The following CEP164 variants were observed in gnomAD, a reference collection of about 807,000 sequenced individuals.
CEP164 encodes centrosomal protein of 164 kDa.
A neutral mutation model predicts 182.7 loss-of-function variants in CEP164; 162 were observed. The ratio of observed to expected loss-of-function variants is 0.89; its 90% confidence interval spans 0.78 to 1.01. CEP164 has a LOEUF of 1.01. CEP164 is among the 50% of genes least tolerant of loss of function. The pLI, the probability that CEP164 is intolerant of heterozygous loss-of-function variation, is 0.00. For missense variants in CEP164, 1,735 were observed against 1,790.4 expected (o/e 0.97, Z 0.56); for synonymous variants, 661 against 690.0 (o/e 0.96, Z 0.66).
chr11:117,412,299 C>T lies in CEP164; in HGVS notation c.*131C>T, dbSNP rs2047443483. On this transcript the variant is annotated 3_prime_UTR_variant, in exon 33 of 33. Coordinates refer to ENST00000278935, the MANE Select transcript of CEP164 (RefSeq NM_014956.5). ...TTTGACTTGCAGGAGCCACCAGGGA[C>T]CAGGGGGTTGAGTGGAACAGTAAAG... is the stretch of plus-strand genomic sequence containing the variant. 1.4e-6 allele frequency: 1 copy of T among 727,966 alleles called. No homozygotes were observed. Among genetic ancestry groups the T allele is most frequent in the Non-Finnish European group, 2.2e-6 (1 of 448,478 alleles). The allele number at this position is 727,966 out of a possible 1,614,324, so 45.1% of individuals were successfully genotyped here. A position where few individuals can be genotyped will look rare whatever the true frequency, so the allele number is the denominator to read the frequency against.
intron 12 of CEP164, among the ~76,000 whole-genome samples, chr11:117,381,110 C>T (rs2043268818): frequency 2.0e-5 from 3 of 152,112 alleles, no homozygotes; most frequent in African/African-American, 7.2e-5. Context: ...GGTACTGCAG[C>T]TCAAGAGTTC....
intron 16 of CEP164, 30 bp from the exon 17 acceptor site, chr11:117,390,969 G>T (rs1179318173): frequency 1.9e-6 from 3 of 1,613,906 alleles, no homozygotes; most frequent in Non-Finnish European, 2.5e-6. Context: ...GGGTGCACAG[G>T]CCCGTTACCA....
At position 117,381,693 on chromosome 11, in the gene CEP164, C is replaced by A; in HGVS notation, c.1410-8C>A. 1.9e-6 allele frequency: 3 copies of A among 1,605,898 alleles called. No individual in the cohort carries two copies. The highest frequency in any genetic ancestry group is 2.6e-6 in the Non-Finnish European group (3 of 1,176,424). On this transcript the variant is annotated splice_region_variant and splice_polypyrimidine_tract_variant and intron_variant, in intron 12 of 32. Coordinates refer to ENST00000278935, the MANE Select transcript of CEP164 (RefSeq NM_014956.5). Reference sequence around the variant, plus strand: ...GCCTGACTCTGCTGCTCTGCCCGGCCTGACCAGGTTATCTCCTCCACTTCC... The same window carrying A: ...GCCTGACTCTGCTGCTCTGCCCGGCATGACCAGGTTATCTCCTCCACTTCC...
Position 117,393,004 on chromosome 11 carries a change from C to A in CEP164, c.2494C>A (p.Leu832Ile), listed in dbSNP as rs766687766. 3 of 1,613,104 alleles carry A rather than the reference C, an allele frequency of 1.9e-6. No individual in the cohort carries two copies. The Admixed American group carries it at 5.0e-5, about 27-fold the overall frequency. ...CACATCCCTGCCATCTCCCCTGCAG[C>A]TCAGCAGTCTCCTGCGAGAGAAGCG... is the stretch of plus-strand genomic sequence containing the variant. The part of the protein sequence containing the change: ...SYHVAGYEHE[L>I]SSLLREKRQE... Residue 832 changes from leucine to isoleucine, a missense_variant and splice_region_variant, in exon 20 of 33, where the codon CTC becomes ATC. By Grantham distance (5) the Leu-to-Ile change is conservative. Coordinates refer to ENST00000278935, the MANE Select transcript of CEP164 (RefSeq NM_014956.5).
At chr11:117,390,706 G>A (rs1306612199) in intron 15 of CEP164, 71 bp from the exon 16 acceptor site, 5 of 1,589,978 alleles carry the variant, frequency 3.1e-6, no homozygotes, top group Middle Eastern at 1.8e-4. Flanking sequence ...GAGGCTGAGA[G>A]CCATAGCTTA....
At position 117,368,495 on chromosome 11, in the gene CEP164, C is replaced by T. The variant is rs184596809; in HGVS notation, c.766-2585C>T. 2.6e-5 allele frequency among the ~76,000 whole-genome samples: 4 copies of T among 152,274 alleles called. No homozygotes were observed. In the East Asian group the frequency reaches 5.8e-4, roughly 22 times the overall value. On this transcript the variant is annotated intron_variant, in intron 8 of 32. Transcript: ENST00000278935. Reference sequence around the variant, plus strand: ...TATGGTCTGATACCTCCTTTGCCCTCGCATCTAAGGTGTATTGGTAGGCAG... The same window carrying T: ...TATGGTCTGATACCTCCTTTGCCCTTGCATCTAAGGTGTATTGGTAGGCAG...
Position 117,344,262 on chromosome 11 carries a change from G to C in CEP164, c.179G>C (p.Gly60Ala). 6.2e-7 allele frequency: 1 copy of C among 1,612,640 alleles called. No homozygotes were observed. The highest frequency in any genetic ancestry group is 8.5e-7 in the Non-Finnish European group (1 of 1,179,338). Residue 60 changes from glycine (G) to alanine (A), a missense_variant, in exon 4 of 33, where the codon GGA becomes GCA. Transcript: ENST00000278935. ...GAGGGCATCGTGGCCCCACTGCCTG[G>C]AGAGTGGAAACCATGGTAAGTCAGC... The part of the protein sequence containing the change: ...AREGIVAPLP[G>A]EWKPCQDITG...
At position 117,351,848 on chromosome 11, in the gene CEP164, G is replaced by T; in HGVS notation, c.253G>T (p.Asp85Tyr). Residue 85 changes from aspartate (D) to tyrosine (Y), a missense_variant, in exon 5 of 33, where the codon GAC (aspartate) becomes TAC (tyrosine). Physicochemically the swap from Asp to Tyr is radical, Grantham distance 160. Transcript: ENST00000278935. The stretch of plus-strand genomic sequence containing the variant: ...CTTCGCCAACGGGCAGTCTATGTGG[G>T]ACCATCCATGTGACGAACACTATCG... ...FNFANGQSMWDHPCDEHYRSL... is the reference protein window; with the variant it reads ...FNFANGQSMWYHPCDEHYRSL... 6.2e-7 allele frequency: 1 copy of T among 1,613,540 alleles called. No individual in the cohort carries two copies.
intron 27 of CEP164, among the ~76,000 whole-genome samples, chr11:117,400,861 G>T (rs2046056547): frequency 6.6e-6 from 1 of 152,192 alleles, no homozygotes; most frequent in South Asian, 2.1e-4. Context: ...TGCTGAAGTT[G>T]CTGATCAGCT....
At position 117,411,703 on chromosome 11, in the gene CEP164, G is replaced by A. The variant is rs1259913330; in HGVS notation, c.4164-92G>A. On this transcript the variant is annotated intron_variant, in intron 31 of 32. Coordinates refer to ENST00000278935, the MANE Select transcript of CEP164 (RefSeq NM_014956.5). This position sits in a 1 kb window ranked among gnomAD's most constrained non-coding sequence, Gnocchi z 4.4. ...CTGCTCTGGTAGCTGAGAGAAAGAGGGAGGAGGTGACAGATGTGATGGCCT... is the reference window on the plus strand; with the variant it reads ...CTGCTCTGGTAGCTGAGAGAAAGAGAGAGGAGGTGACAGATGTGATGGCCT... The A allele has an allele frequency of 4.5e-6, 7 of 1,538,676 alleles. No homozygotes were observed. In the Admixed American group the frequency reaches 1.1e-4, roughly 24 times the overall value.
intron 15 of CEP164, among the ~76,000 whole-genome samples, chr11:117,388,250 C>T (rs1284621570): frequency 1.3e-5 from 2 of 152,208 alleles, no homozygotes; most frequent in African/African-American, 4.8e-5. Flanking sequence ...TCTCCCGAGG[C>T]CCCTGACTCC....
intron 15 of CEP164, among the ~76,000 whole-genome samples, chr11:117,388,398 A>T (rs1426626262): frequency 2.0e-5 from 3 of 152,260 alleles, no homozygotes; most frequent in African/African-American, 4.8e-5. Context: ...ATTCTTGACT[A>T]AGTGATTTCT....
At chr11:117,334,568 C>A (rs2036736278) in intron 1 of CEP164, among the ~76,000 whole-genome samples, 1 of 152,078 alleles carries the variant, frequency 6.6e-6, no homozygotes, top group Non-Finnish European at 1.5e-5. Context: ...GGTGGATCAC[C>A]TGAGATCAGG....
At chr11:117,350,153 C>T (rs1357865603) in intron 4 of CEP164, among the ~76,000 whole-genome samples, 1 of 152,172 alleles carries the variant, frequency 6.6e-6, no homozygotes, top group Non-Finnish European at 1.5e-5. Context: ...AGGTGATCCA[C>T]CTGCCTTGGC....
At chr11:117,337,295 G>T (rs2134993484) in intron 2 of CEP164, among the ~76,000 whole-genome samples, 1 of 152,142 alleles carries the variant, frequency 6.6e-6, no homozygotes, top group Non-Finnish European at 1.5e-5. Context: ...TGCTGCCCTG[G>T]TTCCTGGTCC....
chr11:117,408,004 A>G lies in CEP164; in HGVS notation c.3581A>G (p.Asn1194Ser). 6.3e-7 allele frequency: 1 copy of G among 1,597,206 alleles called. No homozygotes were observed. The highest frequency in any genetic ancestry group is 8.5e-7 in the Non-Finnish European group (1 of 1,171,618). ...CTGAAGAAGAAAGAGGAGAAGCTGA[A>G]TCAGTTGGAGTCCTCTCTTTGGGAA... ...NLLKKKEEKLNQLESSLWEEA... is the reference protein window; with the variant it reads ...NLLKKKEEKLSQLESSLWEEA... The change falls in exon 28 of 33, where the codon AAT (asparagine) becomes AGT (serine). Residue 1194 changes from asparagine (N) to serine (S), a missense_variant. Coordinates refer to ENST00000278935, the MANE Select transcript of CEP164 (RefSeq NM_014956.5).
chr11:117,409,014 G>A lies in CEP164; in HGVS notation c.3734G>A (p.Trp1245Ter). The change falls in exon 29 of 33, where the codon TGG (tryptophan) becomes TAG (stop). Residue 1245 changes from tryptophan to a stop codon, truncating the protein, a stop_gained. Transcript: ENST00000278935. LOFTEE classifies it high-confidence loss of function. The surrounding 1 kb of genome is among the most constrained non-coding windows in gnomAD (Gnocchi z 4.4). ...TTTTCCCCGCCTCACCGTGAGTGGT[G>A]GCGGCAGCAGAGGAGTGAGTGGGGG... ...ESFSPPHREWWRQQRIDSTPS... is the reference protein window; with the variant it reads ...ESFSPPHREW 1 of 1,614,026 alleles carries A rather than the reference G, an allele frequency of 6.2e-7. No homozygotes were observed. Among genetic ancestry groups the A allele is most frequent in the Non-Finnish European group, 8.5e-7 (1 of 1,179,940 alleles).
chr11:117,322,568 T>G (rs2035285615), intron 1 of CEP164, among the ~76,000 whole-genome samples: 1 of 151,788 alleles, frequency 6.6e-6, no homozygotes, highest in Non-Finnish European at 1.5e-5. Flanking sequence ...CTTTTTCTTT[T>G]TTTTTGAGAC....
At chr11:117,403,650 A>C (rs994441872) in intron 27 of CEP164, among the ~76,000 whole-genome samples, 4 of 151,990 alleles carry the variant, frequency 2.6e-5, no homozygotes, top group Non-Finnish European at 4.4e-5. Context: ...GCTCTTCTCG[A>C]GGAGTATCTT....
Sources: gnomAD v4.1 joint callset for allele counts (sites outside exome capture counted in the v4.1 genomes callset) on GRCh38, gnomAD v4.1.1 for gene constraint, Gnocchi (gnomAD v3.1) non-coding constraint, MANE v1.5 for transcripts, NCBI Gene and HGNC (gene_info 2026-07-23, HGNC 2026-07-21) for gene names.